TERF2: variants seen among roughly 807,000 people sequenced by gnomAD.
TERF2 encodes the protein telomeric repeat binding factor 2.
TERF2 carries 16 observed loss-of-function variants against 56.1 expected under a neutral mutation model. That is an observed-to-expected ratio of 0.29 (90% confidence interval 0.19 to 0.43). The LOEUF is 0.43. Ranked by LOEUF, TERF2 falls within the 20% of genes least tolerant of loss-of-function variation. The probability of loss-of-function intolerance (pLI) is 1.00; values close to 1 mark genes in which losing one functional copy is unlikely to be tolerated. For missense variants in TERF2, 547 were observed against 712.9 expected, an observed-to-expected ratio of 0.77 and a Z score of 2.65; for synonymous variants, 296 against 282.1, an observed-to-expected ratio of 1.05 and a Z score of -0.50.
chr16:69,357,107 T>TA, intron 9 of TERF2, 51 bp from the exon 10 acceptor site: 1 of 1,556,742 alleles, frequency 6.4e-7, no homozygotes, highest in Non-Finnish European at 8.7e-7. Context: ...TCCACTTACT[T>TA]ACATTTTCTC....
At chr16:69,361,102 G>A (rs2013120293) in intron 8 of TERF2, among the ~76,000 whole-genome samples, 1 of 151,764 alleles carries the variant, frequency 6.6e-6, no homozygotes, top group African/African-American at 2.4e-5. Flanking sequence ...GTGTGGTGGT[G>A]CACACCTGCA....
At chr16:69,372,142 T>G in intron 4 of TERF2, 127 bp downstream of exon 4, 1 of 587,480 alleles carries the variant, frequency 1.7e-6, no homozygotes, top group Non-Finnish European at 3.0e-6. Context: ...GATAACTTGC[T>G]GCAGGTGTTA....
At chr16:69,380,816 T>C (rs1597260394) in intron 3 of TERF2, among the ~76,000 whole-genome samples, 1 of 151,538 alleles carries the variant, frequency 6.6e-6, no homozygotes, top group East Asian at 1.9e-4. Flanking sequence ...TTTTTTTTTT[T>C]TTTCTGAGAT....
chr16:69,380,830 G>C (rs545211751), intron 3 of TERF2, among the ~76,000 whole-genome samples: 1 of 146,204 alleles, frequency 6.8e-6, no homozygotes, highest in South Asian at 2.2e-4. Flanking sequence ...CTGAGATGGA[G>C]TCTCACTGTT....
chr16:69,385,330 T>G, intron 2 of TERF2, 61 bp downstream of exon 2: 1 of 1,420,674 alleles, frequency 7.0e-7, no homozygotes, highest in African/African-American at 1.4e-5. Context: ...GTTCTAGATA[T>G]AAGTTTTAAA....
rs146506616 is a variant in TERF2, at chr16:69,382,237, G to A, written c.606+2343C>T. 4.6e-5 allele frequency among the ~76,000 whole-genome samples: 7 copies of A among 152,288 alleles called. No individual in the cohort carries two copies. In the East Asian group the frequency reaches 7.7e-4, roughly 17 times the overall value. On this transcript the variant is annotated intron_variant, in intron 3 of 9. Transcript: ENST00000254942. ...AAATAACTTACTTGATAAACTTTGCGAAAGATTCAATATACTTTTAAATAA... is the reference window on the plus strand; with the variant it reads ...AAATAACTTACTTGATAAACTTTGCAAAAGATTCAATATACTTTTAAATAA...
At chr16:69,360,232 A>G (rs114866388) in intron 8 of TERF2, among the ~76,000 whole-genome samples, 142 of 152,068 alleles carry the variant, frequency 9.3e-4, no homozygotes, top group African/African-American at 3.3e-3. Context: ...TAAAAATACA[A>G]AAATTAGCCG....
chr16:69,374,858 G>C (rs990387515), intron 3 of TERF2, among the ~76,000 whole-genome samples: 2 of 151,666 alleles, frequency 1.3e-5, no homozygotes, highest in Non-Finnish European at 2.9e-5. Context: ...TCAGGTGCTT[G>C]GGAGGCTAAG....
chr16:69,363,174 C>T (rs1210769311), intron 7 of TERF2, among the ~76,000 whole-genome samples: 1 of 152,146 alleles, frequency 6.6e-6, no homozygotes, highest in Non-Finnish European at 1.5e-5. Context: ...GTGTTAATGA[C>T]TATTCATAAA....
intron 6 of TERF2, among the ~76,000 whole-genome samples, 170 bp downstream of exon 6, chr16:69,368,206 T>G (rs1219245707): frequency 6.6e-6 from 1 of 152,166 alleles, no homozygotes; most frequent in Non-Finnish European, 1.5e-5. Context: ...GGCATCCTGT[T>G]TCCTTATCTT....
intron 3 of TERF2, among the ~76,000 whole-genome samples, chr16:69,383,055 A>G (rs1027912225): frequency 1.3e-5 from 2 of 152,162 alleles, no homozygotes; most frequent in African/African-American, 2.4e-5. Flanking sequence ...GAGCTCTATG[A>G]GCCTAAATAA....
At chr16:69,368,297 G>A (rs1334242478) in intron 6 of TERF2, 79 bp downstream of exon 6, 14 of 1,366,330 alleles carry the variant, frequency 1.0e-5, no homozygotes, top group African/African-American at 1.4e-5. Context: ...GAGAGGAACT[G>A]ATCCTGGCCT....
chr16:69,380,992 A>G, intron 3 of TERF2, among the ~76,000 whole-genome samples: 1 of 151,802 alleles, frequency 6.6e-6, no homozygotes, highest in Admixed American at 6.6e-5. Flanking sequence ...TTTAGTAGAG[A>G]CGAGGTTTCA....
chr16:69,383,409 A>G (rs548690932), intron 3 of TERF2, among the ~76,000 whole-genome samples: 144 of 152,336 alleles, frequency 9.5e-4, no homozygotes, highest in Admixed American at 2.0e-3. Context: ...TAGAAGTTAA[A>G]TGAATTATTC....
In TERF2 at chr16:69,367,328, G is replaced by A. The variant is rs1416655126; in HGVS notation, c.948-129C>T. 8 of 979,662 alleles carry A rather than the reference G, an allele frequency of 8.2e-6. No individual in the cohort carries two copies. The South Asian group carries it at 1.2e-4, about 15-fold the overall frequency. The allele number at this position is 979,662 out of a possible 1,614,324, so 60.7% of individuals were successfully genotyped here. A position where few individuals can be genotyped will look rare whatever the true frequency, so the allele number is the denominator to read the frequency against. On this transcript the variant is annotated intron_variant, in intron 6 of 9. Coordinates refer to ENST00000254942, the MANE Select transcript of TERF2 (RefSeq NM_005652.5). ...AGGCTTTAAATGTGATATGTAAGTT[G>A]TATTATGAATTTAAAACTCCAAGTT...
chr16:69,382,886 T>C (rs1567456902), intron 3 of TERF2, among the ~76,000 whole-genome samples: 1 of 152,174 alleles, frequency 6.6e-6, no homozygotes, highest in Non-Finnish European at 1.5e-5. Flanking sequence ...TTTGAGCTGC[T>C]TATTCTTGGA....
rs936749110 is a variant in TERF2, at chr16:69,385,955, C to T, written c.17G>A (p.Gly6Glu). 4 of 1,360,058 alleles carry T rather than the reference C, an allele frequency of 2.9e-6. No individual in the cohort carries two copies. Among genetic ancestry groups the T allele is most frequent in the Non-Finnish European group, 3.8e-6 (4 of 1,056,186 alleles). The allele number at this position is 1,360,058 out of a possible 1,614,324, so 84.2% of individuals were successfully genotyped here. A position where few individuals can be genotyped will look rare whatever the true frequency, so the allele number is the denominator to read the frequency against. Residue 6 changes from glycine to glutamate, a missense_variant, in exon 1 of 10, where the codon GGG (glycine) becomes GAG (glutamate). Coordinates refer to ENST00000254942, the MANE Select transcript of TERF2 (RefSeq NM_005652.5). MAAGAGTAGPASGPGV... is the reference protein window; with the variant it reads MAAGAETAGPASGPGV... ...CGGGCCGGAAGCGGGGCCCGCCGTC[C>T]CGGCTCCCGCGGCCATGATAGAAAC...
chr16:69,385,263 T>C (rs986078827), intron 2 of TERF2, 128 bp downstream of exon 2: 2 of 765,136 alleles, frequency 2.6e-6, no homozygotes, highest in South Asian at 1.7e-5. Flanking sequence ...AGACCCATCG[T>C]AGAATGAAAA....
At chr16:69,384,314 G>A (rs2014109724) in intron 3 of TERF2, among the ~76,000 whole-genome samples, 2 of 152,184 alleles carry the variant, frequency 1.3e-5, no homozygotes, top group African/African-American at 2.4e-5. Flanking sequence ...GAATGGTGCA[G>A]TAACCTCCAA....
Sources: allele counts gnomAD v4.1 joint callset (sites outside exome capture counted in the v4.1 genomes callset), GRCh38; gene constraint gnomAD v4.1.1; transcripts MANE v1.5; gene names NCBI Gene and HGNC (gene_info 2026-07-23, HGNC 2026-07-21).